ZMYM4: variants seen among roughly 807,000 people sequenced by gnomAD.
ZMYM4 encodes zinc finger MYM-type protein 4.
In ZMYM4, 31 loss-of-function variants were observed where a neutral mutation model predicts 183.2. That is an observed-to-expected ratio of 0.17 (90% CI 0.13 to 0.23). The LOEUF is 0.23. ZMYM4 is among the 10% of genes least tolerant of loss of function. The pLI is 1.00. For synonymous variants in ZMYM4, 592 were observed against 631.2 expected (o/e 0.94, Z 0.93); for missense variants, 1,273 against 1,840.3 (o/e 0.69, Z 5.64).
At chr1:35,286,594 ATTTT>A (rs35510573) in intron 1 of ZMYM4, among the ~76,000 whole-genome samples, 1 of 117,566 alleles carries the variant, frequency 8.5e-6, no homozygotes. Context: ...CTGTCTGCCT[ATTTT>A]TTTTTTTTTT....
At chr1:35,356,812 T>G (rs1015484454) in intron 2 of ZMYM4, among the ~76,000 whole-genome samples, 2 of 152,130 alleles carry the variant, frequency 1.3e-5, no homozygotes, top group Non-Finnish European at 2.9e-5. Context: ...GGATGTAATG[T>G]GAAATGATTT....
chr1:35,280,178 C>T (rs1281055475), intron 1 of ZMYM4, among the ~76,000 whole-genome samples: 1 of 141,562 alleles, frequency 7.1e-6, no homozygotes, highest in Non-Finnish European at 1.5e-5. Context: ...CTCCCTTCCC[C>T]CCTTCCCTTC....
chr1:35,301,915 C>A (rs1641296124), intron 1 of ZMYM4, among the ~76,000 whole-genome samples: 1 of 152,182 alleles, frequency 6.6e-6, no homozygotes, highest in Admixed American at 6.5e-5. Context: ...ATAGGACTCA[C>A]CTCGTTTGTT....
chr1:35,325,592 CT>C (rs200231840), intron 2 of ZMYM4, among the ~76,000 whole-genome samples, 187 bp downstream of exon 2: 2,056 of 151,862 alleles, frequency 0.014, 51 homozygotes, highest in African/African-American at 0.047. Context: ...GAATCTTATT[CT>C]TTTTTTCAAT....
intron 3 of ZMYM4, 130 bp downstream of exon 3, chr1:35,359,576 T>C: frequency 1.0e-6 from 1 of 989,402 alleles, no homozygotes; most frequent in Non-Finnish European, 1.4e-6. Flanking sequence ...TCATTTTTCT[T>C]TTGTCCTTGT....
Position 35,381,534 on chromosome 1 carries a change from T to C in ZMYM4, c.1357-12T>C. 1 of 1,614,104 alleles carries C rather than the reference T, an allele frequency of 6.2e-7. No individual in the cohort carries two copies. Among genetic ancestry groups the C allele is most frequent in the South Asian group, 1.1e-5 (1 of 91,080 alleles). ...GCTCCTTGTTTTTGTGTTGCTGTTA[T>C]TTAATTTCTAGATTCGACATGAAGT... On this transcript the variant is annotated splice_polypyrimidine_tract_variant and intron_variant, in intron 8 of 29. Coordinates refer to ENST00000314607, the MANE Select transcript of ZMYM4 (RefSeq NM_005095.3).
chr1:35,377,886 C>T (rs1644368319), intron 7 of ZMYM4, among the ~76,000 whole-genome samples: 1 of 152,184 alleles, frequency 6.6e-6, no homozygotes, highest in South Asian at 2.1e-4. Context: ...TTCTTTGTGG[C>T]ATGCAATAAT....
At chr1:35,277,478 T>C (rs571459933) in intron 1 of ZMYM4, among the ~76,000 whole-genome samples, 110 of 152,300 alleles carry the variant, frequency 7.2e-4, no homozygotes, top group South Asian at 1.7e-3. Flanking sequence ...GAATTCTTGT[T>C]GGATCGTTCT....
rs1642739946 is a variant in ZMYM4 at position 35,331,388 on chromosome 1, A to G, written c.85+5983A>G. ...ATCAGTGATTAGTATACAATTTTCAAATGAATAAACTGAACTAAACTGATT... is the reference window on the plus strand; with the variant it reads ...ATCAGTGATTAGTATACAATTTTCAGATGAATAAACTGAACTAAACTGATT... On this transcript the variant is annotated intron_variant, in intron 2 of 29. Coordinates refer to ENST00000314607, the MANE Select transcript of ZMYM4 (RefSeq NM_005095.3). Among the ~76,000 whole-genome samples, 3 of 152,168 alleles carry G rather than the reference A, an allele frequency of 2.0e-5. No homozygotes were observed. The South Asian group carries it at 6.2e-4, about 31-fold the overall frequency.
intron 1 of ZMYM4, among the ~76,000 whole-genome samples, chr1:35,306,365 A>G (rs1354461578): frequency 6.6e-6 from 1 of 151,498 alleles, no homozygotes; most frequent in Non-Finnish European, 1.5e-5. Context: ...ATGCTTGTTT[A>G]TTTTTATGTA....
intron 1 of ZMYM4, among the ~76,000 whole-genome samples, chr1:35,300,254 C>T (rs1176288031): frequency 6.6e-6 from 1 of 152,158 alleles, no homozygotes; most frequent in Non-Finnish European, 1.5e-5. Context: ...GGTTCCCTGC[C>T]TCCAGATTCT....
At chr1:35,284,340 C>G (rs944474221) in intron 1 of ZMYM4, among the ~76,000 whole-genome samples, 1 of 152,160 alleles carries the variant, frequency 6.6e-6, no homozygotes, top group Non-Finnish European at 1.5e-5. Context: ...CTTTTGGTAT[C>G]ATATTTAAGA....
intron 9 of ZMYM4, among the ~76,000 whole-genome samples, chr1:35,383,524 T>C (rs1028113927): frequency 5.3e-5 from 8 of 152,130 alleles, no homozygotes; most frequent in Non-Finnish European, 1.2e-4. Context: ...TGGCTAAGTT[T>C]TACTATTCAT....
intron 1 of ZMYM4, among the ~76,000 whole-genome samples, chr1:35,304,845 C>CTTTA (rs57251706): frequency 0.99 from 150,292 of 151,690 alleles, 74,469 homozygotes; most frequent in Non-Finnish European, 1. Context: ...CACAAGTAAA[C>CTTTA]TTTATTTTTT....
intron 9 of ZMYM4, 84 bp from the exon 10 acceptor site, chr1:35,385,356 CAA>C (rs1644553769): frequency 1.5e-6 from 2 of 1,362,320 alleles, no homozygotes; most frequent in Non-Finnish European, 1.0e-6. Flanking sequence ...TCAAATATTT[CAA>C]AAGTGTTGAG....
chr1:35,306,415 A>G (rs1641535866), intron 1 of ZMYM4, among the ~76,000 whole-genome samples: 1 of 152,006 alleles, frequency 6.6e-6, no homozygotes, highest in African/African-American at 2.4e-5. Flanking sequence ...GTGTGTCATG[A>G]TCCATTGTTA....
intron 26 of ZMYM4, 82 bp downstream of exon 26, chr1:35,408,241 T>A: frequency 6.6e-7 from 1 of 1,511,972 alleles, no homozygotes; most frequent in Non-Finnish European, 9.1e-7. Flanking sequence ...CATGCACATG[T>A]ACACACCCAG....
chr1:35,276,832 C>T (rs549636857), intron 1 of ZMYM4, among the ~76,000 whole-genome samples: 2 of 152,288 alleles, frequency 1.3e-5, no homozygotes, highest in African/African-American at 4.8e-5. Flanking sequence ...GTCTCAAGCT[C>T]CTGATTTCAA....
At chr1:35,302,910 G>A (rs12049242) in intron 1 of ZMYM4, among the ~76,000 whole-genome samples, 4,470 of 151,568 alleles carry the variant, frequency 0.029, 226 homozygotes, top group East Asian at 0.23. Context: ...GAGGCTGGAG[G>A]TGGGAGGATT....
Sources: gnomAD v4.1 joint callset for allele counts (sites outside exome capture counted in the v4.1 genomes callset) on GRCh38, gnomAD v4.1.1 for gene constraint, MANE v1.5 for transcripts, NCBI Gene and HGNC (gene_info 2026-07-23, HGNC 2026-07-21) for gene names.